The following SPON1 variants were observed in gnomAD, a reference collection of about 807,000 sequenced individuals.
The protein encoded by SPON1 is spondin 1.
Under a neutral mutation model 111.7 loss-of-function variants are expected in SPON1, and 52 were observed. That is an observed-to-expected ratio of 0.47 (90% CI 0.37 to 0.59). The LOEUF is 0.59. SPON1 is among the 20% of genes least tolerant of loss of function. SPON1 has a pLI of 0.00. For missense variants in SPON1, 957 were observed against 1,068.5 expected (o/e 0.90, Z 1.46); for synonymous variants, 410 against 395.8 (o/e 1.04, Z -0.43).
chr11:14,005,288 A>G (rs1439391780), intron 2 of SPON1, among the ~76,000 whole-genome samples: 1 of 152,146 alleles, frequency 6.6e-6, no homozygotes, highest in Non-Finnish European at 1.5e-5. Flanking sequence ...TGGCCCCACC[A>G]GTTGTGATAA....
At position 14,268,115 on chromosome 11, in the gene SPON1, G is replaced by A. The variant is rs1201746547; in HGVS notation, c.*2428G>A. 2.6e-5 allele frequency among the ~76,000 whole-genome samples: 4 copies of A among 152,138 alleles called. No homozygotes were observed. The highest frequency in any genetic ancestry group is 7.2e-5 in the African/African-American group (3 of 41,428). On this transcript the variant is annotated 3_prime_UTR_variant, in exon 16 of 16. Transcript: ENST00000576479. Reference sequence around the variant, plus strand: ...ACCCAGAACTGAAAAAATAAACATCGTGCTGTTTTTAATTTGAACTTTGCA... The same window carrying A: ...ACCCAGAACTGAAAAAATAAACATCATGCTGTTTTTAATTTGAACTTTGCA...
chr11:14,071,066 T>C (rs998740244), intron 3 of SPON1, among the ~76,000 whole-genome samples: 5 of 152,156 alleles, frequency 3.3e-5, no homozygotes, highest in African/African-American at 9.7e-5. Context: ...CAACACAGTA[T>C]GGGAGAAATT....
intron 6 of SPON1, among the ~76,000 whole-genome samples, chr11:14,197,533 G>A (rs1201573152): frequency 4.1e-5 from 6 of 147,768 alleles, no homozygotes; most frequent in African/African-American, 1.3e-4. Context: ...ACAAGTGGGG[G>A]CTGCGCATGG....
In SPON1 at chr11:14,009,935, T is replaced by C. The variant is rs79689356; in HGVS notation, c.345+26982T>C. On this transcript the variant is annotated intron_variant, in intron 2 of 15. Coordinates refer to ENST00000576479, the MANE Select transcript of SPON1 (RefSeq NM_006108.4). The stretch of plus-strand genomic sequence containing the variant: ...ATCACATTGGCTATTAGATTCAACA[T>C]AAGAACTTGATGGAGGGGGCTGTCA... Among the ~76,000 whole-genome samples the C allele has an allele frequency of 5.3e-3, 801 of 152,280 alleles. 9 individuals carry two copies. Among genetic ancestry groups the C allele is most frequent in the African/African-American group, 0.018 (741 of 41,566 alleles).
In SPON1 at chr11:14,086,053, G is replaced by A. The variant is rs1372775088; in HGVS notation, c.676+6032G>A. Among the ~76,000 whole-genome samples the A allele has an allele frequency of 2.6e-5, 4 of 152,254 alleles. No homozygotes were observed. The East Asian group carries it at 7.7e-4, about 29-fold the overall frequency. Reference sequence around the variant, plus strand: ...TCAGCTTGAGATTTTAAGCTGAGATGATGGGGTTTTCTAAATATACAATCA... The same window carrying A: ...TCAGCTTGAGATTTTAAGCTGAGATAATGGGGTTTTCTAAATATACAATCA... On this transcript the variant is annotated intron_variant, in intron 5 of 15. Coordinates refer to ENST00000576479, the MANE Select transcript of SPON1 (RefSeq NM_006108.4).
At chr11:14,157,951 G>GT (rs1324065709) in intron 6 of SPON1, among the ~76,000 whole-genome samples, 3 of 151,826 alleles carry the variant, frequency 2.0e-5, no homozygotes, top group African/African-American at 7.3e-5. Flanking sequence ...TCCAAGTCTG[G>GT]TAACTATAAT....
At chr11:14,124,118 A>T (rs1847429506) in intron 5 of SPON1, among the ~76,000 whole-genome samples, 1 of 152,150 alleles carries the variant, frequency 6.6e-6, no homozygotes, top group African/African-American at 2.4e-5. Flanking sequence ...TAAGACAGTC[A>T]TATCCTATCA....
intron 3 of SPON1, among the ~76,000 whole-genome samples, chr11:14,055,628 C>G (rs1848739499): frequency 6.6e-6 from 1 of 152,240 alleles, no homozygotes; most frequent in Non-Finnish European, 1.5e-5. Flanking sequence ...TGCTTGCCAC[C>G]TTGGCCATCC....
chr11:14,260,575 G>T lies in SPON1; in HGVS notation c.1832-13G>T, dbSNP rs1554941808. The T allele has an allele frequency of 1.9e-6, 3 of 1,610,034 alleles. No individual in the cohort carries two copies. The highest frequency in any genetic ancestry group is 2.7e-5 in the African/African-American group (2 of 74,922). ...GAACCTGTTCTCAGTGGCAAACCTGGTTCTTGATCTAGACACCATCCCATG... is the reference window on the plus strand; with the variant it reads ...GAACCTGTTCTCAGTGGCAAACCTGTTTCTTGATCTAGACACCATCCCATG... On this transcript the variant is annotated splice_polypyrimidine_tract_variant and intron_variant, in intron 13 of 15. Coordinates refer to ENST00000576479, the MANE Select transcript of SPON1 (RefSeq NM_006108.4).
intron 6 of SPON1, among the ~76,000 whole-genome samples, chr11:14,190,644 C>CT (rs67284211): frequency 0.023 from 2,950 of 130,614 alleles, 51 homozygotes; most frequent in African/African-American, 0.047. Flanking sequence ...TTTTCTTTTT[C>CT]TTTTTTTTTT....
intron 2 of SPON1, among the ~76,000 whole-genome samples, chr11:14,030,129 A>C (rs1281469575): frequency 3.3e-5 from 5 of 152,212 alleles, no homozygotes; most frequent in Admixed American, 3.3e-4. Flanking sequence ...ACTCAGGTTA[A>C]TAGAGTGAGC....
intron 6 of SPON1, among the ~76,000 whole-genome samples, chr11:14,136,700 T>C (rs1007650600): frequency 3.3e-4 from 50 of 152,166 alleles, no homozygotes; most frequent in Non-Finnish European, 5.6e-4. Flanking sequence ...AATGAGCTTA[T>C]GTTTCTTATT....
Position 14,254,709 on chromosome 11 carries a change from G to A in SPON1, c.1072G>A (p.Asp358Asn), listed in dbSNP as rs188606884. The A allele has an allele frequency of 1.1e-3, 1,803 of 1,613,888 alleles. 2 individuals are homozygous for A. The highest frequency in any genetic ancestry group is 2.4e-3 in the Admixed American group (147 of 60,024). ...QDLIPWDAGT[D>N]SGVTYESPNK... ...CCTGATTCCCTGGGACGCTGGCACCGACAGCGGGGTGACCTATGAGGTGTG... is the reference window on the plus strand; with the variant it reads ...CCTGATTCCCTGGGACGCTGGCACCAACAGCGGGGTGACCTATGAGGTGTG... The change falls in exon 8 of 16, where the codon GAC becomes AAC. Residue 358 changes from aspartate to asparagine, a missense_variant. Physicochemically the swap from Asp to Asn is conservative, Grantham distance 23 (BLOSUM62 1). This residue lies in a region of SPON1 where 19 missense variants were observed against 47.5 expected (regional missense o/e 0.40). Coordinates refer to ENST00000576479, the MANE Select transcript of SPON1 (RefSeq NM_006108.4).
intron 5 of SPON1, among the ~76,000 whole-genome samples, chr11:14,125,763 G>A (rs1847452529): frequency 6.6e-6 from 1 of 152,212 alleles, no homozygotes; most frequent in African/African-American, 2.4e-5. Flanking sequence ...TAGGGTATGT[G>A]GCGGGGCAGG....
intron 5 of SPON1, among the ~76,000 whole-genome samples, chr11:14,124,975 A>G (rs11824675): frequency 0.021 from 3,198 of 152,338 alleles, 107 homozygotes; most frequent in African/African-American, 0.072. Flanking sequence ...GCAGGATAAT[A>G]GAAAACTGGG....
At chr11:14,246,682 CA>C (rs1285882423) in intron 7 of SPON1, among the ~76,000 whole-genome samples, 5 of 151,982 alleles carry the variant, frequency 3.3e-5, no homozygotes, top group African/African-American at 9.7e-5. Flanking sequence ...AGGGTCCCCC[CA>C]AAAAAAGTCC....
chr11:14,244,388 C>A (rs1404167650), intron 7 of SPON1, among the ~76,000 whole-genome samples: 2 of 151,906 alleles, frequency 1.3e-5, no homozygotes, highest in South Asian at 4.2e-4. Flanking sequence ...TGTGGTGGCA[C>A]GTGTCTGTAA....
chr11:14,134,912 A>T (rs1554927891), intron 5 of SPON1: 1 of 152,298 alleles, frequency 6.6e-6, no homozygotes, highest in Non-Finnish European at 1.5e-5. Flanking sequence ...TCCCCTTGAC[A>T]GTTTGTGACA....
At chr11:14,049,811 A>G (rs1301688447) in intron 3 of SPON1, among the ~76,000 whole-genome samples, 18 of 152,134 alleles carry the variant, frequency 1.2e-4, no homozygotes, top group African/African-American at 3.6e-4. Context: ...AAAGTTACGT[A>G]TGGTCTTTTT....
Sources: allele counts gnomAD v4.1 joint callset (sites outside exome capture counted in the v4.1 genomes callset), GRCh38; gene constraint gnomAD v4.1.1; regional missense constraint gnomAD v4.1.1; transcripts MANE v1.5; gene names NCBI Gene and HGNC (gene_info 2026-07-23, HGNC 2026-07-21).